Variants in TAFA1 observed in about 807,000 individuals in gnomAD.
TAFA1 encodes the protein TAFA chemokine like family member 1.
In TAFA1, 4 loss-of-function variants were observed where a neutral mutation model predicts 18.5. The ratio of observed to expected loss-of-function variants is 0.22; its 90% CI spans 0.11 to 0.49. The LOEUF is 0.49. Among genes scored for constraint, TAFA1 ranks in the 20% least tolerant of loss-of-function variants. TAFA1 has a pLI of 0.98. For synonymous variants in TAFA1, 56 were observed against 55.2 expected, an observed-to-expected ratio of 1.01 and a Z score of -0.06; for missense variants, 147 against 169.0, an observed-to-expected ratio of 0.87 and a Z score of 0.72.
At position 68,131,637 on chromosome 3, in the gene TAFA1, G is replaced by A. The variant is rs541043456; in HGVS notation, c.118+124893G>A. Among the ~76,000 whole-genome samples the A allele has an allele frequency of 2.0e-5, 3 of 152,298 alleles. 1 individual carries two copies. Among genetic ancestry groups the A allele is most frequent in the African/African-American group, 4.8e-5 (2 of 41,572 alleles). On this transcript the variant is annotated intron_variant, in intron 2 of 4. Coordinates refer to ENST00000478136, the MANE Select transcript of TAFA1 (RefSeq NM_213609.4). The stretch of plus-strand genomic sequence containing the variant: ...AGACCTTAGCTACTGAGCAGGCAGA[G>A]GCAGATGCTCTGTGAGCCCTGCTGC...
chr3:68,235,945 C>T (rs185458420), intron 2 of TAFA1, among the ~76,000 whole-genome samples: 1 of 152,152 alleles, frequency 6.6e-6, no homozygotes, highest in East Asian at 1.9e-4. Context: ...AAATGAGCAC[C>T]ATTCTAGACT....
chr3:68,331,120 GTACTA>G (rs1449276949), intron 2 of TAFA1, among the ~76,000 whole-genome samples: 5 of 65,952 alleles, frequency 7.6e-5, no homozygotes, highest in African/African-American at 2.5e-4. Context: ...AAAATATTAA[GTACTA>G]GTACATGCTA....
intron 2 of TAFA1, among the ~76,000 whole-genome samples, chr3:68,273,026 G>A (rs2067706821): frequency 6.6e-6 from 1 of 151,878 alleles, no homozygotes; most frequent in African/African-American, 2.4e-5. Context: ...TGGTGGTGGG[G>A]GGGAATAAAA....
intron 2 of TAFA1, among the ~76,000 whole-genome samples, chr3:68,286,981 AAC>A (rs1369204292): frequency 2.6e-5 from 4 of 152,322 alleles, no homozygotes; most frequent in Admixed American, 6.5e-5. Flanking sequence ...CAGCAAGGGA[AAC>A]ACAGCAGTTG....
chr3:68,294,324 A>T (rs1575754186), intron 2 of TAFA1, among the ~76,000 whole-genome samples: 4 of 152,294 alleles, frequency 2.6e-5, no homozygotes, highest in Middle Eastern at 3.4e-3. Context: ...GCAATAATGT[A>T]TTTTATCTAA....
chr3:68,033,082 C>T lies in TAFA1; in HGVS notation c.118+26338C>T, dbSNP rs562284457. On this transcript the variant is annotated intron_variant, in intron 2 of 4. Coordinates refer to ENST00000478136, the MANE Select transcript of TAFA1 (RefSeq NM_213609.4). Reference sequence around the variant, plus strand: ...CAACAGTCACTTAGGAAGGTAATACCTAGTTGTGAAATACAATAATGAAAA... The same window carrying T: ...CAACAGTCACTTAGGAAGGTAATACTTAGTTGTGAAATACAATAATGAAAA... Among the ~76,000 whole-genome samples the T allele has an allele frequency of 3.3e-5, 5 of 152,166 alleles. No homozygotes were observed. In the South Asian group the frequency reaches 1.0e-3, roughly 32 times the overall value.
intron 2 of TAFA1, among the ~76,000 whole-genome samples, chr3:68,179,916 AATT>A (rs1229343466): frequency 1.3e-5 from 2 of 151,886 alleles, no homozygotes; most frequent in African/African-American, 4.8e-5. Flanking sequence ...AATGCAAATA[AATT>A]ATTAATTATG....
intron 2 of TAFA1, among the ~76,000 whole-genome samples, chr3:68,198,003 A>G (rs2066432403): frequency 6.6e-6 from 1 of 151,712 alleles, no homozygotes; most frequent in East Asian, 2.0e-4. Flanking sequence ...CTTACCATGT[A>G]AAAGTTGTTC....
chr3:68,483,842 T>G (rs552983464), intron 3 of TAFA1, among the ~76,000 whole-genome samples: 23 of 152,188 alleles, frequency 1.5e-4, no homozygotes, highest in Admixed American at 2.6e-4. Flanking sequence ...AGCCCGAAGT[T>G]TATAGAAGGA....
chr3:68,332,809 G>A (rs555525784), intron 2 of TAFA1, among the ~76,000 whole-genome samples: 62 of 152,148 alleles, frequency 4.1e-4, no homozygotes, highest in Non-Finnish European at 7.8e-4. Flanking sequence ...ACTGTAGGTG[G>A]GAATGTAAAT....
chr3:68,364,471 T>C (rs1389159166), intron 2 of TAFA1, among the ~76,000 whole-genome samples: 1 of 152,116 alleles, frequency 6.6e-6, no homozygotes, highest in Non-Finnish European at 1.5e-5. Context: ...AACAGCACCG[T>C]AAAGAGAGAT....
intron 3 of TAFA1, among the ~76,000 whole-genome samples, chr3:68,460,705 C>T (rs1467018127): frequency 6.6e-6 from 1 of 152,044 alleles, no homozygotes; most frequent in African/African-American, 2.4e-5. Flanking sequence ...TGGAGTGGCT[C>T]GTTAACACAC....
chr3:68,433,599 G>C (rs770927904), intron 3 of TAFA1, among the ~76,000 whole-genome samples: 5 of 152,078 alleles, frequency 3.3e-5, no homozygotes, highest in Non-Finnish European at 7.4e-5. Flanking sequence ...CCAGCACAAT[G>C]ACTGGTACAG....
intron 3 of TAFA1, among the ~76,000 whole-genome samples, chr3:68,537,495 C>G (rs1281116453): frequency 2.0e-5 from 3 of 152,154 alleles, no homozygotes; most frequent in African/African-American, 7.2e-5. Flanking sequence ...CAACGTTGGT[C>G]TCACAGGTAG....
intron 3 of TAFA1, among the ~76,000 whole-genome samples, chr3:68,479,618 G>A (rs528256728): frequency 8.6e-4 from 131 of 152,248 alleles, no homozygotes; most frequent in Non-Finnish European, 1.6e-3. Flanking sequence ...TATATAACAT[G>A]AGACTATATT....
intron 2 of TAFA1, among the ~76,000 whole-genome samples, chr3:68,159,109 A>G (rs73834862): frequency 0.018 from 2,815 of 152,294 alleles, 97 homozygotes; most frequent in African/African-American, 0.064. Context: ...TCTTGTCTTG[A>G]GAAAGAAAGG....
chr3:68,101,698 T>C (rs566785895), intron 2 of TAFA1, among the ~76,000 whole-genome samples: 9 of 152,260 alleles, frequency 5.9e-5, no homozygotes, highest in Non-Finnish European at 8.8e-5. Context: ...AGAAATGCAA[T>C]GGAGAACTGA....
At chr3:68,427,901 C>T (rs2071088580) in intron 3 of TAFA1, among the ~76,000 whole-genome samples, 1 of 151,948 alleles carries the variant, frequency 6.6e-6, no homozygotes, top group East Asian at 1.9e-4. Context: ...TCTCTTGCTG[C>T]CACCATGTAA....
intron 2 of TAFA1, among the ~76,000 whole-genome samples, chr3:68,296,350 T>A (rs1287166984): frequency 6.6e-6 from 1 of 152,202 alleles, no homozygotes; most frequent in Non-Finnish European, 1.5e-5. Flanking sequence ...TTTGGTTGAA[T>A]TGTTCCCAAG....
Sources: gnomAD v4.1 joint callset for allele counts (sites outside exome capture counted in the v4.1 genomes callset) on GRCh38, gnomAD v4.1.1 for gene constraint, MANE v1.5 for transcripts, NCBI Gene and HGNC (gene_info 2026-07-23, HGNC 2026-07-21) for gene names.